ACTR8: variants seen among roughly 807,000 people sequenced by gnomAD.
The protein encoded by ACTR8 is actin-related protein 8.
Under a neutral mutation model 84.3 loss-of-function variants are expected in ACTR8, and 70 were observed. The observed-to-expected ratio is 0.83, with a 90% CI of 0.68 to 1.01. The LOEUF (loss-of-function observed/expected upper bound fraction) is 1.01. Ranked by LOEUF, ACTR8 falls within the 50% of genes least tolerant of loss-of-function variation. The probability of loss-of-function intolerance (pLI) is 0.00; values close to 1 mark genes in which losing one functional copy is unlikely to be tolerated. For synonymous variants in ACTR8, 268 were observed against 275.2 expected, an observed-to-expected ratio of 0.97 and a Z score of 0.26; for missense variants, 672 against 775.4, an observed-to-expected ratio of 0.87 and a Z score of 1.58.
chr3:53,879,919 C>T lies in ACTR8; in HGVS notation c.294+20G>A. 2 of 1,595,122 alleles carry T rather than the reference C, an allele frequency of 1.3e-6. No individual in the cohort carries two copies. The highest frequency in any genetic ancestry group is 1.7e-6 in the Non-Finnish European group (2 of 1,166,466). On this transcript the variant is annotated intron_variant, in intron 2 of 12. Coordinates refer to ENST00000335754, the MANE Select transcript of ACTR8 (RefSeq NM_022899.5). The stretch of plus-strand genomic sequence containing the variant: ...AGGGAAACAACCTTAGGCTTTCTCT[C>T]CAGGTCGTTTTTGACTTACATTTAG...
In ACTR8 at chr3:53,877,710, A is replaced by T. The variant is rs749310606; in HGVS notation, c.447T>A (p.Asp149Glu). ...YNKQMRPAIL[D>E]HCSGNKWTNT... Reference sequence around the variant, plus strand: ...TTGTCCACTTATTTCCCGAACAGTGATCTAAAATTGCAGGTCGCATCTGCT... The same window carrying T: ...TTGTCCACTTATTTCCCGAACAGTGTTCTAAAATTGCAGGTCGCATCTGCT... Residue 149 changes from aspartate (D) to glutamate (E), a missense_variant, in exon 4 of 13, where the codon GAT (aspartate) becomes GAA (glutamate). Transcript: ENST00000335754. The T allele has an allele frequency of 1.2e-6, 2 of 1,614,174 alleles. No homozygotes were observed. Among genetic ancestry groups the T allele is most frequent in the South Asian group, 2.2e-5 (2 of 91,080 alleles).
intron 8 of ACTR8, 134 bp downstream of exon 8, chr3:53,874,077 G>A: frequency 4.9e-6 from 4 of 811,284 alleles, no homozygotes; most frequent in East Asian, 7.1e-5. Flanking sequence ...ACCCACCTCG[G>A]CCTCCCAAAG....
chr3:53,882,144 G>T lies in ACTR8; in HGVS notation c.-43C>A. The T allele has an allele frequency of 6.5e-7, 1 of 1,545,784 alleles. No homozygotes were observed. The highest frequency in any genetic ancestry group is 1.4e-5 in the African/African-American group (1 of 72,972). On this transcript the variant is annotated 5_prime_UTR_variant, in exon 1 of 13. It adds an upstream start codon to the 5' untranslated region. Transcript: ENST00000335754. ...ACCAACCTCTCGCCTCAGCGCTGCAGCCACGACTGCCGGGATGGAAGGGCC... is the reference window on the plus strand; with the variant it reads ...ACCAACCTCTCGCCTCAGCGCTGCATCCACGACTGCCGGGATGGAAGGGCC...
Position 53,868,609 on chromosome 3 carries a change from C to T in ACTR8, c.*110G>A. 6.8e-7 allele frequency: 1 copy of T among 1,466,378 alleles called. No individual in the cohort carries two copies. The highest frequency in any genetic ancestry group is 1.4e-5 in the South Asian group (1 of 72,462). The allele number at this position is 1,466,378 out of a possible 1,614,324, so 90.8% of individuals were successfully genotyped here. On this transcript the variant is annotated 3_prime_UTR_variant, in exon 13 of 13. Transcript: ENST00000335754. ...CATAAAGTTCAAATTCATTTACTGT[C>T]CATGACACTTAAGCATCCAGATCAA...
At position 53,870,600 on chromosome 3, in the gene ACTR8, G is replaced by A. The variant is rs923745396; in HGVS notation, c.1568-455C>T. Reference sequence around the variant, plus strand: ...CAGGAGGCAGAGGTTGTGGTGAGCCGCAATCACGCCATTGCACTCTAGCCT... The same window carrying A: ...CAGGAGGCAGAGGTTGTGGTGAGCCACAATCACGCCATTGCACTCTAGCCT... On this transcript the variant is annotated intron_variant, in intron 11 of 12. Coordinates refer to ENST00000335754, the MANE Select transcript of ACTR8 (RefSeq NM_022899.5). This position sits in a 1 kb window ranked among gnomAD's most constrained non-coding sequence, Gnocchi z 4.1. Among the ~76,000 whole-genome samples the A allele has an allele frequency of 5.9e-5, 9 of 152,108 alleles. No homozygotes were observed. Among genetic ancestry groups the A allele is most frequent in the Non-Finnish European group, 8.8e-5 (6 of 68,018 alleles).
At chr3:53,879,226 G>A (rs892577494) in intron 2 of ACTR8, among the ~76,000 whole-genome samples, 1 of 152,182 alleles carries the variant, frequency 6.6e-6, no homozygotes, top group Admixed American at 6.5e-5. Context: ...ATAATGAAGT[G>A]CGGACTCTTA....
In ACTR8 at chr3:53,877,387, C is replaced by A. The variant is rs368123625; in HGVS notation, c.511G>T (p.Ala171Ser). Residue 171 changes from alanine to serine, a missense_variant and splice_region_variant, in exon 5 of 13, where the codon GCC (alanine) becomes TCC (serine). Ala to Ser is a moderately conservative substitution (Grantham distance 99). Coordinates refer to ENST00000335754, the MANE Select transcript of ACTR8 (RefSeq NM_022899.5). ...CAGTCCAGTGGATTAACATACAAGG[C>A]CTAGAAAAGGAGGAGGGAGATGAGT... ...HHPEYLVGEE[A>S]LYVNPLDCYN... The A allele has an allele frequency of 1.4e-5, 22 of 1,591,280 alleles. No individual in the cohort carries two copies. The highest frequency in any genetic ancestry group is 1.8e-5 in the Admixed American group (1 of 54,576).
chr3:53,876,372 A>T (rs564722948), intron 6 of ACTR8, among the ~76,000 whole-genome samples: 1 of 152,128 alleles, frequency 6.6e-6, no homozygotes, highest in Non-Finnish European at 1.5e-5. Flanking sequence ...ACAAAAAATT[A>T]GCTGGGCATG....
At chr3:53,874,939 C>T (rs745501546) in intron 7 of ACTR8, among the ~76,000 whole-genome samples, 43 of 152,172 alleles carry the variant, frequency 2.8e-4, no homozygotes, top group Non-Finnish European at 7.4e-5. Flanking sequence ...TTAAATCCAG[C>T]TTACTTCCCA....
chr3:53,865,259 C>T (rs1378339273), downstream of ACTR8: 7 of 1,611,586 alleles, frequency 4.3e-6, no homozygotes, highest in Admixed American at 3.3e-5. Flanking sequence ...CAGCAGGTGT[C>T]AGCAGGAAAA....
At chr3:53,881,491 T>C (rs1487794114) in intron 1 of ACTR8, among the ~76,000 whole-genome samples, 1 of 152,226 alleles carries the variant, frequency 6.6e-6, no homozygotes, top group Non-Finnish European at 1.5e-5. Context: ...TTTCCTTGCT[T>C]TTAAGCTTGA....
At chr3:53,860,190 G>A in the ACTR8 span, 1 of 1,613,944 alleles carries the variant, frequency 6.2e-7, no homozygotes, top group Non-Finnish European at 8.5e-7. Context: ...GTGGCCACAT[G>A]GGTGCTGGTG....
At chr3:53,879,855 T>G (rs1433754570) in intron 2 of ACTR8, 84 bp downstream of exon 2, 1 of 1,311,854 alleles carries the variant, frequency 7.6e-7, no homozygotes, top group East Asian at 2.3e-5. Flanking sequence ...ATGAAGATGT[T>G]TCTTTAAGAT....
At chr3:53,866,763 G>A (rs898617197), downstream of ACTR8, among the ~76,000 whole-genome samples, 4 of 152,292 alleles carry the variant, frequency 2.6e-5, 1 homozygote, top group Admixed American at 6.5e-5. Flanking sequence ...TTACAGGTGT[G>A]AGCCACGGCG....
chr3:53,873,368 T>C (rs1232009897), intron 8 of ACTR8, among the ~76,000 whole-genome samples: 1 of 151,214 alleles, frequency 6.6e-6, no homozygotes, highest in Non-Finnish European at 1.5e-5. Context: ...CATACATTAG[T>C]ACAACAATGA....
intron 3 of ACTR8, 82 bp from the exon 4 acceptor site, chr3:53,877,833 C>T: frequency 8.8e-7 from 1 of 1,140,166 alleles, no homozygotes; most frequent in East Asian, 2.5e-5. Context: ...TTCTCTCTCA[C>T]ATACTAGACA....
intron 12 of ACTR8, 95 bp from the exon 13 acceptor site, chr3:53,868,957 CA>C (rs1699840691): frequency 1.4e-6 from 2 of 1,471,910 alleles, no homozygotes; most frequent in Admixed American, 2.2e-5. Flanking sequence ...CCTGCTGAGT[CA>C]ATACCTAGTA....
At chr3:53,865,073 T>C (rs370331617), downstream of ACTR8, 1 of 1,614,032 alleles carries the variant, frequency 6.2e-7, no homozygotes, top group African/African-American at 1.3e-5. Flanking sequence ...CTCTTCCCCC[T>C]TGCCTTTAAC....
At chr3:53,877,080 G>T in intron 5 of ACTR8, 134 bp downstream of exon 5, 1 of 768,214 alleles carries the variant, frequency 1.3e-6, no homozygotes, top group Non-Finnish European at 1.8e-6. Context: ...ACATCCTCAT[G>T]CCACCAAGAA....
Sources: gnomAD v4.1 joint callset for allele counts (sites outside exome capture counted in the v4.1 genomes callset) on GRCh38, gnomAD v4.1.1 for gene constraint, Gnocchi (gnomAD v3.1) non-coding constraint, MANE v1.5 for transcripts, NCBI Gene and HGNC (gene_info 2026-07-23, HGNC 2026-07-21) for gene names.